JAZF1: variants seen among roughly 807,000 people sequenced by gnomAD.
JAZF1 encodes the protein JAZF zinc finger 1.
In JAZF1, 8 loss-of-function variants were observed where a neutral mutation model predicts 26.4. That is an observed-to-expected ratio of 0.30 (90% confidence interval 0.18 to 0.55). The LOEUF (loss-of-function observed/expected upper bound fraction) is 0.55. Ranked by LOEUF, JAZF1 falls within the 20% of genes least tolerant of loss-of-function variation. JAZF1 has a pLI of 0.94. For synonymous variants in JAZF1, 126 were observed against 122.3 expected, an observed-to-expected ratio of 1.03 and a Z score of -0.20; for missense variants, 199 against 322.0, an observed-to-expected ratio of 0.62 and a Z score of 2.92.
At chr7:27,876,184 C>T (rs1043946353) in intron 3 of JAZF1, among the ~76,000 whole-genome samples, 4 of 152,244 alleles carry the variant, frequency 2.6e-5, no homozygotes, top group Non-Finnish European at 5.9e-5. Context: ...CTTTAGGGGG[C>T]TAACCCTCTA....
At chr7:28,159,734 C>T (rs1783250706) in intron 1 of JAZF1, among the ~76,000 whole-genome samples, 1 of 152,132 alleles carries the variant, frequency 6.6e-6, no homozygotes, top group Non-Finnish European at 1.5e-5. Context: ...TCCTTACCAA[C>T]TGCAGGAAGA....
At chr7:28,051,178 T>C (rs981831009) in intron 1 of JAZF1, among the ~76,000 whole-genome samples, 1 of 129,570 alleles carries the variant, frequency 7.7e-6, no homozygotes, top group Non-Finnish European at 1.6e-5. Flanking sequence ...ACTATAACTG[T>C]TTTTTTTTAA....
intron 2 of JAZF1, among the ~76,000 whole-genome samples, chr7:27,897,072 G>A (rs1284588429): frequency 6.7e-6 from 1 of 149,230 alleles, no homozygotes; most frequent in Non-Finnish European, 1.5e-5. Flanking sequence ...GAAAAGCAAA[G>A]AACTAGTGCT....
intron 1 of JAZF1, among the ~76,000 whole-genome samples, chr7:28,165,798 T>G (rs1783359185): frequency 6.6e-6 from 1 of 152,242 alleles, no homozygotes; most frequent in Non-Finnish European, 1.5e-5. Flanking sequence ...TGACTCGCTG[T>G]ATTTTTCTTC....
intron 2 of JAZF1, among the ~76,000 whole-genome samples, chr7:27,917,033 G>A (rs1784453148): frequency 6.6e-6 from 1 of 152,218 alleles, no homozygotes; most frequent in African/African-American, 2.4e-5. Flanking sequence ...GAGCCCGGGA[G>A]CTGGAGACCA....
chr7:28,044,614 C>G (rs948200656), intron 1 of JAZF1, among the ~76,000 whole-genome samples: 2 of 151,834 alleles, frequency 1.3e-5, no homozygotes, highest in African/African-American at 4.8e-5. Context: ...ACCTATTCTT[C>G]TAAGGAAAAA....
chr7:27,901,488 C>T lies in JAZF1; in HGVS notation c.189-6072G>A, dbSNP rs763263233. The stretch of plus-strand genomic sequence containing the variant: ...CTATTTGCTGGAACCTGGGCAGAGA[C>T]TCCATTGCCACCTCACTCCATGGCC... On this transcript the variant is annotated intron_variant, in intron 2 of 4. Coordinates refer to ENST00000283928, the MANE Select transcript of JAZF1 (RefSeq NM_175061.4). Among the ~76,000 whole-genome samples, 233 of 152,296 alleles carry T rather than the reference C, an allele frequency of 1.5e-3. 1 individual carries two copies. The highest frequency in any genetic ancestry group is 2.6e-3 in the Non-Finnish European group (178 of 68,026).
chr7:27,916,559 C>T lies in JAZF1; in HGVS notation c.189-21143G>A, dbSNP rs201519220. On this transcript the variant is annotated intron_variant, in intron 2 of 4. Transcript: ENST00000283928. The stretch of plus-strand genomic sequence containing the variant: ...ACTCAGGGCCAACAGTACTATGACT[C>T]ATGCTGGTGTAAACTTACCTGACAC... 3.3e-5 allele frequency among the ~76,000 whole-genome samples: 5 copies of T among 152,284 alleles called. No homozygotes were observed. In the East Asian group the frequency reaches 9.6e-4, roughly 29 times the overall value.
intron 1 of JAZF1, among the ~76,000 whole-genome samples, chr7:28,150,986 T>C (rs1263007775): frequency 6.6e-6 from 1 of 151,844 alleles, no homozygotes; most frequent in East Asian, 1.9e-4. Flanking sequence ...ATAAGGCAAA[T>C]GGAAAAGCAC....
Position 28,120,740 on chromosome 7 carries a change from G to A in JAZF1, c.115+59723C>T, listed in dbSNP as rs1782589497. 2.0e-5 allele frequency among the ~76,000 whole-genome samples: 3 copies of A among 152,004 alleles called. No homozygotes were observed. In the South Asian group the frequency reaches 6.2e-4, roughly 32 times the overall value. On this transcript the variant is annotated intron_variant, in intron 1 of 4. Coordinates refer to ENST00000283928, the MANE Select transcript of JAZF1 (RefSeq NM_175061.4). ...AGATGAGGCCTAACTAAGCTGGGAA[G>A]CCACCCCAAGTGGGAGATTTGCTCA...
At chr7:27,880,073 T>C (rs1049760923) in intron 3 of JAZF1, among the ~76,000 whole-genome samples, 2 of 152,222 alleles carry the variant, frequency 1.3e-5, no homozygotes, top group African/African-American at 4.8e-5. Context: ...TTCAAGTTTA[T>C]ATATAGCATA....
intron 2 of JAZF1, among the ~76,000 whole-genome samples, chr7:27,967,152 T>C (rs1359308620): frequency 6.6e-6 from 1 of 152,160 alleles, no homozygotes; most frequent in African/African-American, 2.4e-5. Context: ...GCTGTCCTCA[T>C]TTGAGGTGGG....
chr7:28,176,518 T>C (rs544839069), intron 1 of JAZF1, among the ~76,000 whole-genome samples: 8 of 152,312 alleles, frequency 5.3e-5, no homozygotes, highest in Non-Finnish European at 7.4e-5. Flanking sequence ...CGGACCCTGA[T>C]CTAGTTTTTC....
intron 1 of JAZF1, among the ~76,000 whole-genome samples, chr7:28,054,999 C>T (rs1399959203): frequency 3.3e-5 from 5 of 152,020 alleles, no homozygotes; most frequent in Non-Finnish European, 1.5e-5. Flanking sequence ...ATGGTGTTTA[C>T]CAGGGCTATA....
intron 2 of JAZF1, among the ~76,000 whole-genome samples, chr7:27,909,712 C>CA (rs1395814220): frequency 1.3e-5 from 2 of 151,584 alleles, no homozygotes; most frequent in East Asian, 1.9e-4. Flanking sequence ...ATCTCAAAAA[C>CA]AAAAAACAAA....
At chr7:27,961,586 C>T (rs1037769014) in intron 2 of JAZF1, among the ~76,000 whole-genome samples, 1 of 152,034 alleles carries the variant, frequency 6.6e-6, no homozygotes, top group Non-Finnish European at 1.5e-5. Flanking sequence ...AATATTCTCC[C>T]CAAAGAAAGC....
intron 1 of JAZF1, among the ~76,000 whole-genome samples, chr7:28,142,918 C>A (rs1782978957): frequency 6.6e-6 from 1 of 152,180 alleles, no homozygotes; most frequent in Non-Finnish European, 1.5e-5. Context: ...CCTAGAGCTT[C>A]TTCTGTGTTC....
At chr7:27,838,825 A>T (rs1163086553) in intron 4 of JAZF1, among the ~76,000 whole-genome samples, 1 of 152,172 alleles carries the variant, frequency 6.6e-6, no homozygotes, top group Non-Finnish European at 1.5e-5. Flanking sequence ...CATTCTGGCC[A>T]GAAAAGGAAA....
intron 1 of JAZF1, among the ~76,000 whole-genome samples, chr7:28,067,388 C>T (rs898467231): frequency 1.3e-5 from 2 of 152,174 alleles, no homozygotes; most frequent in Non-Finnish European, 2.9e-5. Context: ...GTGCCCATAT[C>T]CCCAAAGGAA....
Sources: gnomAD v4.1 joint callset for allele counts (sites outside exome capture counted in the v4.1 genomes callset) on GRCh38, gnomAD v4.1.1 for gene constraint, MANE v1.5 for transcripts, NCBI Gene and HGNC (gene_info 2026-07-23, HGNC 2026-07-21) for gene names.